The following PLEK variants were observed in gnomAD, a reference collection of about 807,000 sequenced individuals.
The protein encoded by PLEK is platelet 47 kDa protein.
A neutral mutation model predicts 43.9 loss-of-function variants in PLEK; 25 were observed. That is an observed-to-expected ratio of 0.57 (90% CI 0.41 to 0.79). PLEK has a LOEUF of 0.79. Among genes scored for constraint, PLEK ranks in the 30% least tolerant of loss-of-function variants. The probability of loss-of-function intolerance (pLI) is 0.00; values close to 1 mark genes in which losing one functional copy is unlikely to be tolerated. For synonymous variants in PLEK, 152 were observed against 144.4 expected (o/e 1.05, Z -0.38); for missense variants, 396 against 413.3 (o/e 0.96, Z 0.36).
chr2:68,393,881 G>A (rs1011303640), intron 7 of PLEK, among the ~76,000 whole-genome samples: 2 of 152,232 alleles, frequency 1.3e-5, no homozygotes, highest in South Asian at 4.1e-4. Flanking sequence ...AGTCCAGATC[G>A]TCTTGCATTT....
At chr2:68,387,086 A>G (rs1156405611) in intron 5 of PLEK, among the ~76,000 whole-genome samples, 1 of 151,988 alleles carries the variant, frequency 6.6e-6, no homozygotes, top group African/African-American at 2.4e-5. Flanking sequence ...GCTCACTGCA[A>G]CCTCCGCCTC....
At chr2:68,378,187 A>G (rs995829697) in intron 1 of PLEK, among the ~76,000 whole-genome samples, 3 of 152,188 alleles carry the variant, frequency 2.0e-5, no homozygotes, top group Non-Finnish European at 4.4e-5. Flanking sequence ...AGATGGAATT[A>G]TTATCTCTCT....
At chr2:68,377,168 T>G (rs1260906013) in intron 1 of PLEK, among the ~76,000 whole-genome samples, 1 of 152,232 alleles carries the variant, frequency 6.6e-6, no homozygotes, top group Non-Finnish European at 1.5e-5. Context: ...TCCACTCATC[T>G]GTTGAGGGAC....
intron 4 of PLEK, among the ~76,000 whole-genome samples, chr2:68,385,168 A>G (rs1001409035): frequency 1.3e-5 from 2 of 152,218 alleles, no homozygotes; most frequent in Non-Finnish European, 2.9e-5. Flanking sequence ...ATGGGGCACA[A>G]TTAATGTTCT....
chr2:68,380,879 C>G lies in PLEK; in HGVS notation c.355C>G (p.Arg119Gly), dbSNP rs751935533. ...FARKSTRRSI[R>G]LPETIDLGAL... ...CAGGAAATCTACCAGGAGGTCCATT[C>G]GACTGCCAGAAACCATTGACTTAGG... Residue 119 changes from arginine to glycine, a missense_variant, in exon 3 of 9, where the codon CGA becomes GGA. Coordinates refer to ENST00000234313, the MANE Select transcript of PLEK (RefSeq NM_002664.3). 2 of 1,613,622 alleles carry G rather than the reference C, an allele frequency of 1.2e-6. No individual in the cohort carries two copies. The highest frequency in any genetic ancestry group is 1.7e-5 in the Admixed American group (1 of 59,940).
chr2:68,383,762 A>G (rs1471503161), intron 4 of PLEK, among the ~76,000 whole-genome samples: 1 of 152,188 alleles, frequency 6.6e-6, no homozygotes, highest in African/African-American at 2.4e-5. Flanking sequence ...GATACAGCAA[A>G]TGTGGAATCT....
At chr2:68,371,186 C>T (rs1438008983) in intron 1 of PLEK, among the ~76,000 whole-genome samples, 2 of 152,180 alleles carry the variant, frequency 1.3e-5, no homozygotes, top group East Asian at 3.9e-4. Flanking sequence ...CATCTGTTAA[C>T]AAGCATGCTT....
chr2:68,390,076 G>A (rs889814940), intron 6 of PLEK, among the ~76,000 whole-genome samples: 52 of 152,134 alleles, frequency 3.4e-4, no homozygotes, highest in African/African-American at 1.2e-3. Flanking sequence ...CTGGAGCCAC[G>A]TCTCAGTGAA....
At position 68,396,480 on chromosome 2, in the gene PLEK, T is replaced by A. The variant is rs1001089655; in HGVS notation, c.*664T>A. 1 of 151,994 alleles carries A rather than the reference T, an allele frequency of 6.6e-6. No homozygotes were observed. The highest frequency in any genetic ancestry group is 1.5e-5 in the Non-Finnish European group (1 of 67,988). 9.4% of individuals were successfully genotyped at this position (151,994 alleles called of 1,614,324 possible). On this transcript the variant is annotated 3_prime_UTR_variant, in exon 9 of 9. Transcript: ENST00000234313. ...TTTGAGGGTTTTGACTTCTATTACT[T>A]TTGGCAGCCTGGAAAGTTGTGTCTT... is the stretch of plus-strand genomic sequence containing the variant.
At position 68,396,129 on chromosome 2, in the gene PLEK, C is replaced by T. The variant is rs1413456188; in HGVS notation, c.*313C>T. 2 of 233,132 alleles carry T rather than the reference C, an allele frequency of 8.6e-6. No homozygotes were observed. Among genetic ancestry groups the T allele is most frequent in the African/African-American group, 2.7e-5 (1 of 37,508 alleles). 14.4% of individuals were successfully genotyped at this position (233,132 alleles called of 1,614,324 possible). ...AATGAAGAAATTCAACTAGTAGATT[C>T]CTGAGGTCCCCCTAGCTTAAAAAAA... On this transcript the variant is annotated 3_prime_UTR_variant, in exon 9 of 9. Coordinates refer to ENST00000234313, the MANE Select transcript of PLEK (RefSeq NM_002664.3).
intron 1 of PLEK, among the ~76,000 whole-genome samples, chr2:68,372,596 T>G (rs1291194893): frequency 6.6e-6 from 1 of 152,172 alleles, no homozygotes; most frequent in African/African-American, 2.4e-5. Flanking sequence ...GAACAGGTAT[T>G]TACCAGAAAA....
chr2:68,370,768 G>A (rs928205657), intron 1 of PLEK, among the ~76,000 whole-genome samples: 1 of 152,176 alleles, frequency 6.6e-6, no homozygotes, highest in African/African-American at 2.4e-5. Flanking sequence ...TTACAGGTGT[G>A]AGTACTGCGC....
At chr2:68,365,449 G>T (rs970068146) in intron 1 of PLEK, 56 bp downstream of exon 1, 35 of 1,405,548 alleles carry the variant, frequency 2.5e-5, no homozygotes, top group Non-Finnish European at 3.3e-5. Flanking sequence ...GGGAGACTTG[G>T]GTTCAGCTCC....
chr2:68,377,140 T>G (rs1673521534), intron 1 of PLEK, among the ~76,000 whole-genome samples: 1 of 152,230 alleles, frequency 6.6e-6, no homozygotes, highest in Non-Finnish European at 1.5e-5. Context: ...ATTGTGTATA[T>G]GTACTACACT....
At chr2:68,368,470 C>T (rs1673326264) in intron 1 of PLEK, among the ~76,000 whole-genome samples, 1 of 152,222 alleles carries the variant, frequency 6.6e-6, no homozygotes, top group Admixed American at 6.5e-5. Flanking sequence ...ACAGCAAAGC[C>T]TACCATCTCA....
rs572430041 is a variant in PLEK, at chr2:68,396,197, G to A, written c.*381G>A. On this transcript the variant is annotated 3_prime_UTR_variant, in exon 9 of 9. Coordinates refer to ENST00000234313, the MANE Select transcript of PLEK (RefSeq NM_002664.3). ...GATTCTAACACTCGCAGTAGTGATA[G>A]TGTATCTAGTTGTTCTGCTGGTGTC... is the stretch of plus-strand genomic sequence containing the variant. The A allele has an allele frequency of 5.4e-6, 1 of 184,582 alleles. No homozygotes were observed. The highest frequency in any genetic ancestry group is 2.3e-5 in the African/African-American group (1 of 43,122). The allele number at this position is 184,582 out of a possible 1,614,324, so 11.4% of individuals were successfully genotyped here.
intron 3 of PLEK, among the ~76,000 whole-genome samples, chr2:68,381,295 A>T (rs10496163): frequency 6.6e-6 from 1 of 152,198 alleles, no homozygotes; most frequent in African/African-American, 2.4e-5. Context: ...AAGTTCATTC[A>T]TTTACACACT....
chr2:68,369,259 CA>C (rs1673344075), intron 1 of PLEK, among the ~76,000 whole-genome samples: 3 of 152,186 alleles, frequency 2.0e-5, no homozygotes, highest in Admixed American at 2.0e-4. Flanking sequence ...TACAGAGAGG[CA>C]AATGGCCTTG....
chr2:68,386,467 G>A (rs930879596), intron 4 of PLEK, 35 bp from the exon 5 acceptor site: 2 of 1,568,284 alleles, frequency 1.3e-6, no homozygotes, highest in African/African-American at 1.3e-5. Flanking sequence ...TCTTCGGTAA[G>A]GAGAGTTAAC....
Sources: allele counts gnomAD v4.1 joint callset (sites outside exome capture counted in the v4.1 genomes callset), GRCh38; gene constraint gnomAD v4.1.1; transcripts MANE v1.5; gene names NCBI Gene and HGNC (gene_info 2026-07-23, HGNC 2026-07-21).